Variants in PLXNA4 observed in about 807,000 individuals in gnomAD.
PLXNA4 encodes the protein plexin-A4.
PLXNA4 carries 44 observed loss-of-function variants against 191.8 expected under a neutral mutation model. The observed-to-expected ratio is 0.23, with a 90% confidence interval of 0.18 to 0.29. The LOEUF (loss-of-function observed/expected upper bound fraction) is 0.29. Among genes scored for constraint, PLXNA4 ranks in the 10% least tolerant of loss-of-function variants. The pLI, the probability that PLXNA4 is intolerant of heterozygous loss-of-function variation, is 1.00. For synonymous variants in PLXNA4, 1,082 were observed against 1,009.5 expected, an observed-to-expected ratio of 1.07 and a Z score of -1.36; for missense variants, 1,800 against 2,488.8, an observed-to-expected ratio of 0.72 and a Z score of 5.89.
chr7:132,450,397 A>G (rs755883358), intron 3 of PLXNA4, among the ~76,000 whole-genome samples: 1 of 152,170 alleles, frequency 6.6e-6, no homozygotes, highest in Non-Finnish European at 1.5e-5. Context: ...GGTAGGCGGG[A>G]CACGTGATTA....
intron 20 of PLXNA4, among the ~76,000 whole-genome samples, chr7:132,176,722 A>G (rs1473379369): frequency 6.7e-6 from 1 of 150,230 alleles, no homozygotes. Context: ...ATGTATGTCA[A>G]TGAGTGTGTA....
At chr7:132,151,348 GAAGAAGAAGGAGGAGGAGGAGA>G (rs1795608074) in intron 25 of PLXNA4, among the ~76,000 whole-genome samples, 1 of 65,134 alleles carries the variant, frequency 1.5e-5, no homozygotes. Flanking sequence ...GGAGGAGGAG[GAAGAAGAAGGAGGAGGAGGAGA>G]AAGGAGGAGG....
chr7:132,482,093 A>G (rs1240764134), intron 3 of PLXNA4, among the ~76,000 whole-genome samples: 1 of 152,172 alleles, frequency 6.6e-6, no homozygotes, highest in Non-Finnish European at 1.5e-5. Context: ...TGAGAAACAA[A>G]GCCCTCATGT....
chr7:132,586,058 T>C lies in PLXNA4; in HGVS notation c.-87+59870A>G, dbSNP rs188132767. ...GCATCAAGGCATTTAATAGACTCTT[T>C]AATAAAATCCTTGTAGAACACCAGG... On this transcript the variant is annotated intron_variant, in intron 2 of 4. Transcript: ENST00000378539. Among the ~76,000 whole-genome samples, 291 of 152,324 alleles carry C rather than the reference T, an allele frequency of 1.9e-3. 1 individual carries two copies. The highest frequency in any genetic ancestry group is 6.5e-3 in the African/African-American group (271 of 41,566).
At chr7:132,230,580 GCGT>G (rs1562980863) in intron 5 of PLXNA4, among the ~76,000 whole-genome samples, 1 of 152,206 alleles carries the variant, frequency 6.6e-6, no homozygotes, top group Non-Finnish European at 1.5e-5. Context: ...GGCAACAAGA[GCGT>G]CTGCCTAAAA....
intron 24 of PLXNA4, among the ~76,000 whole-genome samples, chr7:132,162,312 C>T (rs1795975386): frequency 6.6e-6 from 1 of 152,192 alleles, no homozygotes. Flanking sequence ...ATTGCAGTTT[C>T]TTTCCTCTTT....
intron 2 of PLXNA4, among the ~76,000 whole-genome samples, chr7:132,610,964 T>G (rs1232576629): frequency 6.6e-6 from 1 of 152,222 alleles, no homozygotes; most frequent in East Asian, 1.9e-4. Flanking sequence ...GAAGCTTCTC[T>G]GTGTGCCCAG....
At chr7:132,562,990 T>C (rs1585347752) in intron 1 of PLXNA4, among the ~76,000 whole-genome samples, 1 of 71,448 alleles carries the variant, frequency 1.4e-5, no homozygotes, top group Non-Finnish European at 2.7e-5. Flanking sequence ...CTCCTTCTCC[T>C]CCTCCTCCTC....
At chr7:132,647,723 CACAT>C (rs944276790) in intron 1 of PLXNA4, among the ~76,000 whole-genome samples, 5 of 151,382 alleles carry the variant, frequency 3.3e-5, no homozygotes, top group Middle Eastern at 6.8e-3. Context: ...ACAATATACT[CACAT>C]ACATTCACAC....
At chr7:132,397,791 G>A (rs1793824519) in intron 3 of PLXNA4, among the ~76,000 whole-genome samples, 1 of 152,200 alleles carries the variant, frequency 6.6e-6, no homozygotes, top group African/African-American at 2.4e-5. Flanking sequence ...ATGTATTTCA[G>A]GTTGATATCC....
At chr7:132,484,808 G>C in intron 3 of PLXNA4, 1 of 1,613,754 alleles carries the variant, frequency 6.2e-7, no homozygotes, top group Non-Finnish European at 8.5e-7. Context: ...CAAATTTCCA[G>C]AGTAATTTTA....
chr7:132,164,293 A>AG lies in PLXNA4; in HGVS notation c.4354-6dup. ...GAGGGGCTCCCCAGCACACTCCTGG[A>AG]GGTGAGAAGAACGTCATTAGGAGGA... On this transcript the variant is annotated splice_region_variant and splice_polypyrimidine_tract_variant and intron_variant, in intron 23 of 31. Transcript: ENST00000321063. 1 of 1,613,672 alleles carries AG rather than the reference A, an allele frequency of 6.2e-7. No homozygotes were observed. Among genetic ancestry groups the AG allele is most frequent in the Non-Finnish European group, 8.5e-7 (1 of 1,179,658 alleles).
chr7:132,325,869 T>A (rs1802338081), intron 3 of PLXNA4, among the ~76,000 whole-genome samples: 1 of 152,172 alleles, frequency 6.6e-6, no homozygotes, highest in Non-Finnish European at 1.5e-5. Context: ...AGGGTGGGCA[T>A]GGATCTTACA....
chr7:132,510,635 G>A (rs1241196527), intron 1 of PLXNA4, among the ~76,000 whole-genome samples: 1 of 152,176 alleles, frequency 6.6e-6, no homozygotes, highest in Non-Finnish European at 1.5e-5. Context: ...AAAGTTCCTA[G>A]GAGGAGGAAG....
chr7:132,152,643 G>A (rs967896061), intron 25 of PLXNA4, among the ~76,000 whole-genome samples: 1 of 152,184 alleles, frequency 6.6e-6, no homozygotes, highest in Non-Finnish European at 1.5e-5. Context: ...CAGCCAAGAG[G>A]CAATGTCGTA....
intron 2 of PLXNA4, among the ~76,000 whole-genome samples, chr7:132,642,838 T>C (rs561613712): frequency 1.5e-4 from 23 of 152,300 alleles, no homozygotes; most frequent in African/African-American, 4.6e-4. Context: ...TATGCAGTGA[T>C]CTCCAAGACA....
chr7:132,199,933 T>C (rs1797378372), intron 12 of PLXNA4, among the ~76,000 whole-genome samples: 1 of 152,118 alleles, frequency 6.6e-6, no homozygotes. Flanking sequence ...AAAAACAGCT[T>C]CCCTGGAGAC....
Position 132,227,750 on chromosome 7 carries a change from C to G in PLXNA4, c.1729-146G>C, listed in dbSNP as rs146338204. The G allele has an allele frequency of 8.4e-5, 91 of 1,079,840 alleles. No individual in the cohort carries two copies. The East Asian group carries it at 1.7e-3, about 20-fold the overall frequency. 66.9% of individuals were successfully genotyped at this position (1,079,840 alleles called of 1,614,324 possible). On this transcript the variant is annotated intron_variant, in intron 6 of 31. Transcript: ENST00000321063. Reference sequence around the variant, plus strand: ...AGGCAATATTAACATGGAGAAGAGACTCAGGTTATTAGGAGAGTGGCACAG... The same window carrying G: ...AGGCAATATTAACATGGAGAAGAGAGTCAGGTTATTAGGAGAGTGGCACAG...
chr7:132,145,589 C>T, intron 28 of PLXNA4: 1 of 376,978 alleles, frequency 2.7e-6, no homozygotes, highest in Non-Finnish European at 4.9e-6. Context: ...TAGCACTTTT[C>T]ACAAATGCTA....
Sources: gnomAD v4.1 joint callset for allele counts (sites outside exome capture counted in the v4.1 genomes callset) on GRCh38, gnomAD v4.1.1 for gene constraint, MANE v1.5 for transcripts, NCBI Gene and HGNC (gene_info 2026-07-23, HGNC 2026-07-21) for gene names.